The following GRM4 variants were observed in gnomAD, a reference collection of about 807,000 sequenced individuals.
The protein encoded by GRM4 is glutamate metabotropic receptor 4.
Under a neutral mutation model 81.7 loss-of-function variants are expected in GRM4, and 28 were observed. The ratio of observed to expected loss-of-function variants is 0.34; its 90% CI spans 0.25 to 0.47. The LOEUF is 0.47. Among genes scored for constraint, GRM4 ranks in the 20% least tolerant of loss-of-function variants. GRM4 has a pLI of 1.00. For missense variants in GRM4, 948 were observed against 1,290.0 expected (o/e 0.73, Z 4.06); for synonymous variants, 488 against 528.8 (o/e 0.92, Z 1.06).
At position 34,090,314 on chromosome 6, in the gene GRM4, G is replaced by A. The variant is rs1387724307; in HGVS notation, c.736+1569C>T. Among the ~76,000 whole-genome samples, 1 of 152,142 alleles carries A rather than the reference G, an allele frequency of 6.6e-6. No individual in the cohort carries two copies. Among genetic ancestry groups the A allele is most frequent in the African/African-American group, 2.4e-5 (1 of 41,444 alleles). ...AGAGGTCATGCATTAAACAGAAAAGGTAGGAGGTTGGTTTGGGGAAGAGTT... is the reference window on the plus strand; with the variant it reads ...AGAGGTCATGCATTAAACAGAAAAGATAGGAGGTTGGTTTGGGGAAGAGTT... On this transcript the variant is annotated intron_variant, in intron 3 of 10. Transcript: ENST00000538487. The surrounding 1 kb of genome is among the most constrained non-coding windows in gnomAD (Gnocchi z 5.2).
In GRM4 at chr6:34,047,872, T is replaced by A. The variant is rs143216566; in HGVS notation, c.1169-7124A>T. Among the ~76,000 whole-genome samples, 280 of 152,288 alleles carry A rather than the reference T, an allele frequency of 1.8e-3. 1 individual carries two copies. Among genetic ancestry groups the A allele is most frequent in the African/African-American group, 6.3e-3 (263 of 41,566 alleles). On this transcript the variant is annotated intron_variant, in intron 6 of 10. Coordinates refer to ENST00000538487, the MANE Select transcript of GRM4 (RefSeq NM_000841.4). The surrounding 1 kb of genome is among the most constrained non-coding windows in gnomAD (Gnocchi z 4.5). The stretch of plus-strand genomic sequence containing the variant: ...AAGCTCCAAGAGCTCTGTGGTAGCA[T>A]CGCCTGGGGCTCTTCAACCTTGAGC...
At chr6:34,142,976 G>GA (rs927534470) in intron 1 of GRM4, among the ~76,000 whole-genome samples, 4 of 152,190 alleles carry the variant, frequency 2.6e-5, no homozygotes, top group African/African-American at 9.7e-5. Context: ...TCTCGCTCCT[G>GA]AAAATGCCTA....
At chr6:34,103,768 T>C in intron 2 of GRM4, 1 of 1,459,924 alleles carries the variant, frequency 6.8e-7, no homozygotes, top group Admixed American at 2.5e-5. Context: ...CTGTGTGACC[T>C]TGGGCAAGTC....
At chr6:34,138,730 G>A (rs528322039) in intron 1 of GRM4, among the ~76,000 whole-genome samples, 3 of 152,172 alleles carry the variant, frequency 2.0e-5, no homozygotes, top group Non-Finnish European at 2.9e-5. Flanking sequence ...TCAAATCCTC[G>A]CAGCACAGCC....
chr6:34,149,945 G>C (rs1771011966), upstream of GRM4, among the ~76,000 whole-genome samples: 1 of 152,188 alleles, frequency 6.6e-6, no homozygotes. Context: ...GTGCCTTGGT[G>C]GGGGAACACT....
At chr6:34,139,133 C>T (rs540075508) in intron 1 of GRM4, among the ~76,000 whole-genome samples, 14 of 152,340 alleles carry the variant, frequency 9.2e-5, no homozygotes, top group Admixed American at 2.0e-4. Flanking sequence ...TGGCCCCAAC[C>T]GGCTTCCCTT....
chr6:34,086,008 A>G (rs891004476), intron 3 of GRM4, among the ~76,000 whole-genome samples: 33 of 152,224 alleles, frequency 2.2e-4, no homozygotes, highest in African/African-American at 7.2e-4. Context: ...GAGGAGCTGC[A>G]AGATAGCTGC....
rs1273637796 is a variant in GRM4 at position 34,092,940 on chromosome 6, T to A, written c.520-841A>T. On this transcript the variant is annotated intron_variant, in intron 2 of 10. Coordinates refer to ENST00000538487, the MANE Select transcript of GRM4 (RefSeq NM_000841.4). This position sits in a 1 kb window ranked among gnomAD's most constrained non-coding sequence, Gnocchi z 6.8. ...GGGTATGGTCCCTCCTCTCCGCCCC[T>A]CCCCTCCAGGGCGCCACCCACTGCT... Among the ~76,000 whole-genome samples, 2 of 151,874 alleles carry A rather than the reference T, an allele frequency of 1.3e-5. No individual in the cohort carries two copies. Among genetic ancestry groups the A allele is most frequent in the Non-Finnish European group, 2.9e-5 (2 of 67,948 alleles).
chr6:34,125,474 C>G (rs1769987956), intron 2 of GRM4, among the ~76,000 whole-genome samples: 1 of 152,218 alleles, frequency 6.6e-6, no homozygotes, highest in Admixed American at 6.5e-5. Flanking sequence ...AAAAAAAGAC[C>G]CTGGGCTCAC....
At chr6:34,112,914 C>A (rs547708328) in intron 2 of GRM4, among the ~76,000 whole-genome samples, 1 of 152,328 alleles carries the variant, frequency 6.6e-6, no homozygotes, top group East Asian at 1.9e-4. Context: ...AGCTTTGAAT[C>A]CACTTATGTT....
intron 2 of GRM4, among the ~76,000 whole-genome samples, chr6:34,128,948 G>C (rs1220707410): frequency 6.6e-6 from 1 of 152,068 alleles, no homozygotes; most frequent in Non-Finnish European, 1.5e-5. Context: ...ACAGAATTTG[G>C]AAACTGCTTC....
At chr6:34,062,143 T>TGAC (rs2127462462) in intron 3 of GRM4, 115 bp from the exon 4 acceptor site, 1 of 1,133,228 alleles carries the variant, frequency 8.8e-7, no homozygotes, top group African/African-American at 1.5e-5. Flanking sequence ...CTCCCCAGCC[T>TGAC]GACTCCCAGC....
chr6:34,134,390 G>A (rs1039692600), intron 1 of GRM4, among the ~76,000 whole-genome samples: 1 of 152,134 alleles, frequency 6.6e-6, no homozygotes, highest in Non-Finnish European at 1.5e-5. Context: ...TGGCTCTTCC[G>A]GGACTCAGAG....
rs561793303 is a variant in GRM4, at chr6:34,034,872, C to T, written c.2442+796G>A. Among the ~76,000 whole-genome samples, 407 of 152,286 alleles carry T rather than the reference C, an allele frequency of 2.7e-3. 2 individuals carry two copies. Among genetic ancestry groups the T allele is most frequent in the African/African-American group, 9.1e-3 (377 of 41,510 alleles). ...TCCCAGTACTTCCAGATAACACCCC[C>T]GAGTCACCCAGCCAGCACCAGGACT... On this transcript the variant is annotated intron_variant, in intron 9 of 10. Coordinates refer to ENST00000538487, the MANE Select transcript of GRM4 (RefSeq NM_000841.4). The surrounding 1 kb of genome is among the most constrained non-coding windows in gnomAD (Gnocchi z 4.0).
In GRM4 at chr6:34,078,076, A is replaced by G. The variant is rs545426289; in HGVS notation, c.736+13807T>C. Among the ~76,000 whole-genome samples, 1 of 152,320 alleles carries G rather than the reference A, an allele frequency of 6.6e-6. No individual in the cohort carries two copies. The highest frequency in any genetic ancestry group is 1.9e-4 in the East Asian group (1 of 5,188). ...GGTACAGCCTGGAATAGGACAGATA[A>G]GCCTGCCCTCGTGGAGCTGACATCC... On this transcript the variant is annotated intron_variant, in intron 3 of 10. Transcript: ENST00000538487. This position sits in a 1 kb window ranked among gnomAD's most constrained non-coding sequence, Gnocchi z 4.8.
intron 3 of GRM4, among the ~76,000 whole-genome samples, chr6:34,082,906 C>T (rs1767680546): frequency 6.6e-6 from 1 of 152,218 alleles, no homozygotes; most frequent in African/African-American, 2.4e-5. Context: ...GGGCTCTTGG[C>T]CACTCTATTC....
intron 5 of GRM4, among the ~76,000 whole-genome samples, chr6:34,056,970 C>T (rs1040734803): frequency 3.9e-5 from 6 of 152,210 alleles, no homozygotes; most frequent in Non-Finnish European, 8.8e-5. Flanking sequence ...CGCTGCAATG[C>T]TAACAGCGGG....
chr6:34,071,255 CACATACACACACATCACCACAG>C, intron 3 of GRM4, among the ~76,000 whole-genome samples: 1 of 150,908 alleles, frequency 6.6e-6, no homozygotes, highest in East Asian at 1.9e-4. Context: ...CATCACCACA[CACATACACACACATCACCACAG>C]AGATACACAC....
rs747529717 is a variant in GRM4, at chr6:34,044,239, TAC to T, written c.1169-3493_1169-3492del. ...ATACACATATATACAGACACACACA[TAC>T]ACACACAGAGACATACATACATACA... On this transcript the variant is annotated intron_variant, in intron 6 of 10. Coordinates refer to ENST00000538487, the MANE Select transcript of GRM4 (RefSeq NM_000841.4). Among the ~76,000 whole-genome samples, 407 of 131,136 alleles carry T rather than the reference TAC, an allele frequency of 3.1e-3. 5 individuals carry two copies. Among genetic ancestry groups the T allele is most frequent in the Middle Eastern group, 0.015 (3 of 196 alleles). 86.0% of individuals were successfully genotyped at this position (131,136 alleles called of 152,430 possible).
Sources: allele counts gnomAD v4.1 joint callset (sites outside exome capture counted in the v4.1 genomes callset), GRCh38; gene constraint gnomAD v4.1.1; non-coding constraint Gnocchi (gnomAD v3.1); transcripts MANE v1.5; gene names NCBI Gene and HGNC (gene_info 2026-07-23, HGNC 2026-07-21).